Variants in APOBEC1 observed in about 807,000 individuals in gnomAD.
APOBEC1 encodes apolipoprotein B mRNA editing enzyme catalytic subunit 1, also known as C->U-editing enzyme APOBEC-1.
In APOBEC1, 22 loss-of-function variants were observed where a neutral mutation model predicts 26.3. That is an observed-to-expected ratio of 0.84 (90% CI 0.60 to 1.19). The LOEUF (loss-of-function observed/expected upper bound fraction) is 1.19, where lower values mean the gene tolerates loss of function less well. Among genes scored for constraint, APOBEC1 ranks in the 50% most tolerant of loss-of-function variants. The pLI is 0.00. For synonymous variants in APOBEC1, 77 were observed against 95.3 expected (o/e 0.81, Z 1.12); for missense variants, 253 against 289.0 (o/e 0.88, Z 0.90).
intron 1 of APOBEC1, among the ~76,000 whole-genome samples, chr12:7,658,291 T>G (rs1416343199): frequency 6.6e-6 from 1 of 152,202 alleles, no homozygotes; most frequent in Non-Finnish European, 1.5e-5. Context: ...CTCAAACTCC[T>G]GGCCTCATGT....
upstream of APOBEC1, among the ~76,000 whole-genome samples, chr12:7,670,355 A>ATTGTATAC (rs1863936374): frequency 7.0e-6 from 1 of 142,054 alleles, no homozygotes; most frequent in Non-Finnish European, 1.5e-5. Flanking sequence ...TTGTGGATAC[A>ATTGTATAC]AGCTTTGTCA....
At chr12:7,665,974 A>C, upstream of APOBEC1, 1 of 1,229,788 alleles carries the variant, frequency 8.1e-7, no homozygotes, top group Non-Finnish European at 1.2e-6. Flanking sequence ...GCTTGGGCAG[A>C]GGATGACTCA....
intron 1 of APOBEC1, among the ~76,000 whole-genome samples, chr12:7,660,701 T>TAAA (rs34455959): frequency 0.02 from 2,379 of 119,916 alleles, 50 homozygotes; most frequent in South Asian, 0.048. Flanking sequence ...AGATTCCATC[T>TAAA]AAAAAAAAAA....
upstream of APOBEC1, among the ~76,000 whole-genome samples, chr12:7,667,955 A>T (rs7309127): frequency 6.6e-6 from 1 of 150,812 alleles, no homozygotes; most frequent in Non-Finnish European, 1.5e-5. Context: ...ATAGCCATCA[A>T]CGATATCCAT....
At position 7,658,810 on chromosome 12, in the gene APOBEC1, G is replaced by A. The variant is rs1296512168; in HGVS notation, c.17-4178C>T. 5.9e-5 allele frequency among the ~76,000 whole-genome samples: 9 copies of A among 151,290 alleles called. 1 individual carries two copies. The highest frequency in any genetic ancestry group is 1.2e-4 in the Non-Finnish European group (8 of 67,854). On this transcript the variant is annotated intron_variant, in intron 1 of 4. Transcript: ENST00000229304. The stretch of plus-strand genomic sequence containing the variant: ...TCTACTAAAAATACAAAAATTAGCC[G>A]GGTGTGGTGGCACATGCCTGTAATC...
At chr12:7,660,542 A>G (rs1863802568) in intron 1 of APOBEC1, among the ~76,000 whole-genome samples, 1 of 151,096 alleles carries the variant, frequency 6.6e-6, no homozygotes, top group African/African-American at 2.4e-5. Flanking sequence ...CGTCTCTAAT[A>G]AATACAAAAA....
chr12:7,652,975 A>T, intron 2 of APOBEC1, 140 bp from the exon 3 acceptor site: 9 of 742,556 alleles, frequency 1.2e-5, no homozygotes, highest in Non-Finnish European at 1.6e-5. Context: ...TGTTGCCCAG[A>T]CTGGAGTGCA....
chr12:7,660,416 G>GAAAGAAA (rs780368866), intron 1 of APOBEC1, among the ~76,000 whole-genome samples: 1 of 145,906 alleles, frequency 6.9e-6, no homozygotes, highest in African/African-American at 2.5e-5. Flanking sequence ...AAGAAAGAGA[G>GAAAGAAA]GGTATTTGGG....
Position 7,652,678 on chromosome 12 carries a change from T to A in APOBEC1, c.202A>T (p.Lys68Ter). Residue 68 changes from lysine to a stop codon, truncating the protein, a stop_gained, in exon 3 of 5, where the codon AAA (lysine) becomes TAA (stop). Coordinates refer to ENST00000229304, the MANE Select transcript of APOBEC1 (RefSeq NM_001644.5). LOFTEE classifies it high-confidence loss of function. Reference sequence around the variant, plus strand: ...AAATCTCTTTCTGACGTAAATTTTTTTATAAAATTAACTTCCACGTGATTG... The same window carrying A: ...AAATCTCTTTCTGACGTAAATTTTTATATAAAATTAACTTCCACGTGATTG... ...TTNHVEVNFI[K>*]KFTSERDFHP... 6.2e-7 allele frequency: 1 copy of A among 1,614,096 alleles called. No homozygotes were observed. The highest frequency in any genetic ancestry group is 8.5e-7 in the Non-Finnish European group (1 of 1,179,988).
At chr12:7,665,179 T>C (rs983858742) in intron 1 of APOBEC1, among the ~76,000 whole-genome samples, 3 of 152,244 alleles carry the variant, frequency 2.0e-5, no homozygotes, top group African/African-American at 7.2e-5. Flanking sequence ...TAACACTGAC[T>C]GTGCACAAAT....
intron 1 of APOBEC1, among the ~76,000 whole-genome samples, chr12:7,661,364 A>G (rs1419619319): frequency 1.3e-5 from 2 of 152,102 alleles, no homozygotes; most frequent in African/African-American, 4.8e-5. Context: ...AGCATCACAC[A>G]ATATATACCC....
At chr12:7,654,011 A>G (rs746632475) in intron 2 of APOBEC1, among the ~76,000 whole-genome samples, 1 of 152,334 alleles carries the variant, frequency 6.6e-6, no homozygotes, top group African/African-American at 2.4e-5. Context: ...CATTTACTAC[A>G]TAGATCAATC....
intron 1 of APOBEC1, 53 bp downstream of exon 1, chr12:7,665,804 C>T: frequency 7.7e-7 from 1 of 1,306,904 alleles, no homozygotes; most frequent in Non-Finnish European, 1.1e-6. Context: ...CACACACACA[C>T]ACCATTCTTG....
chr12:7,661,950 CAA>C (rs1456903777), intron 1 of APOBEC1, among the ~76,000 whole-genome samples: 1 of 152,138 alleles, frequency 6.6e-6, no homozygotes, highest in Admixed American at 6.5e-5. Flanking sequence ...CTCCCTTAGT[CAA>C]AAGAGTCCCT....
intron 1 of APOBEC1, among the ~76,000 whole-genome samples, chr12:7,659,395 A>G (rs1863772522): frequency 6.8e-6 from 1 of 146,246 alleles, no homozygotes; most frequent in African/African-American, 2.5e-5. Context: ...ACACACACAC[A>G]AAAGGAACTA....
At chr12:7,665,622 C>A (rs1248419208) in intron 1 of APOBEC1, among the ~76,000 whole-genome samples, 1 of 151,884 alleles carries the variant, frequency 6.6e-6, no homozygotes, top group Non-Finnish European at 1.5e-5. Context: ...CATGGTGAAA[C>A]AAACACTGAT....
Position 7,649,464 on chromosome 12 carries a change from T to G in APOBEC1, c.*83A>C, listed in dbSNP as rs1863604528. The G allele has an allele frequency of 6.8e-7, 1 of 1,471,938 alleles. No individual in the cohort carries two copies. The highest frequency in any genetic ancestry group is 1.4e-5 in the African/African-American group (1 of 71,252). 91.2% of individuals were successfully genotyped at this position (1,471,938 alleles called of 1,614,324 possible). ...AGAGTTTTGGGGTACCTTGTGAACA[T>G]TTCTAGATTCTAAATGGCATTCACT... is the stretch of plus-strand genomic sequence containing the variant. On this transcript the variant is annotated 3_prime_UTR_variant, in exon 5 of 5. Transcript: ENST00000229304.
chr12:7,661,109 A>G (rs9645733), intron 1 of APOBEC1, among the ~76,000 whole-genome samples: 61,099 of 148,718 alleles, frequency 0.41, 12,674 homozygotes, highest in South Asian at 0.54. Context: ...GGGAGGCTGC[A>G]GCAGGAGAAT....
intron 1 of APOBEC1, among the ~76,000 whole-genome samples, chr12:7,662,707 C>T (rs964866304): frequency 6.6e-6 from 1 of 152,116 alleles, no homozygotes; most frequent in Non-Finnish European, 1.5e-5. Flanking sequence ...AAAGCTGAGA[C>T]CTGAATGTAA....
Sources: allele counts gnomAD v4.1 joint callset (sites outside exome capture counted in the v4.1 genomes callset), GRCh38; gene constraint gnomAD v4.1.1; transcripts MANE v1.5; gene names NCBI Gene and HGNC (gene_info 2026-07-23, HGNC 2026-07-21).